The following EYS variants were observed in gnomAD, a reference collection of about 807,000 sequenced individuals.
The protein encoded by EYS is EGF-like photoreceptor maintenance factor.
A neutral mutation model predicts 282.1 loss-of-function variants in EYS; 250 were observed. That is an observed-to-expected ratio of 0.89 (90% CI 0.80 to 0.98). The LOEUF (loss-of-function observed/expected upper bound fraction) is 0.98, where lower values mean the gene tolerates loss of function less well. EYS is among the 50% of genes least tolerant of loss of function. EYS has a pLI of 0.00. For missense variants in EYS, 4,016 were observed against 3,709.0 expected, an observed-to-expected ratio of 1.08 and a Z score of -2.15; for synonymous variants, 1,355 against 1,282.9, an observed-to-expected ratio of 1.06 and a Z score of -1.20.
chr6:64,282,814 C>T (rs1192153872), intron 30 of EYS, among the ~76,000 whole-genome samples: 1 of 152,180 alleles, frequency 6.6e-6, no homozygotes, highest in Non-Finnish European at 1.5e-5. Context: ...AAGTCTATTG[C>T]TTCTGCATTC....
chr6:64,546,963 T>A (rs1306799309), intron 26 of EYS, among the ~76,000 whole-genome samples: 3 of 152,174 alleles, frequency 2.0e-5, no homozygotes, highest in African/African-American at 7.2e-5. Flanking sequence ...CTCACTGACT[T>A]CAAGAATGAA....
At position 65,139,329 on chromosome 6, in the gene EYS, G is replaced by A. The variant is rs185734410; in HGVS notation, c.2024-81602C>T. Among the ~76,000 whole-genome samples the A allele has an allele frequency of 2.1e-4, 32 of 152,074 alleles. 1 individual carries two copies. The East Asian group carries it at 5.2e-3, about 25-fold the overall frequency. ...CCGTTATCCTAAGCAAACTAATACA[G>A]GAACAGAAAACCAAATACCATCTGT... On this transcript the variant is annotated intron_variant, in intron 12 of 42. Transcript: ENST00000503581.
intron 29 of EYS, among the ~76,000 whole-genome samples, chr6:64,356,853 T>C (rs1028322188): frequency 2.6e-5 from 4 of 151,644 alleles, no homozygotes; most frequent in Non-Finnish European, 4.4e-5. Flanking sequence ...TAACTACGGG[T>C]GCTATTGCCC....
At chr6:65,145,157 A>T (rs934612699) in intron 12 of EYS, among the ~76,000 whole-genome samples, 1 of 152,050 alleles carries the variant, frequency 6.6e-6, no homozygotes, top group Non-Finnish European at 1.5e-5. Flanking sequence ...CAAAAATAAT[A>T]TCCCATTGGA....
At chr6:63,835,301 A>G (rs948499165) in intron 36 of EYS, among the ~76,000 whole-genome samples, 2 of 151,278 alleles carry the variant, frequency 1.3e-5, no homozygotes, top group Non-Finnish European at 2.9e-5. Flanking sequence ...CTATATACAT[A>G]CATATATACT....
chr6:64,688,139 C>T (rs567224351), intron 22 of EYS, among the ~76,000 whole-genome samples: 7 of 151,678 alleles, frequency 4.6e-5, no homozygotes, highest in South Asian at 2.1e-4. Context: ...GTCTTGCTAG[C>T]GGTCAATCAA....
intron 22 of EYS, among the ~76,000 whole-genome samples, chr6:64,741,394 A>G (rs1381275390): frequency 6.6e-6 from 1 of 152,136 alleles, no homozygotes. Flanking sequence ...AGCACAAGCA[A>G]AGTAGATTTA....
chr6:65,614,526 G>T (rs767913631), intron 2 of EYS, among the ~76,000 whole-genome samples: 7 of 152,006 alleles, frequency 4.6e-5, no homozygotes, highest in Non-Finnish European at 7.4e-5. Context: ...TGACTCAGAA[G>T]AAAGTACAAT....
intron 2 of EYS, among the ~76,000 whole-genome samples, chr6:65,581,462 C>A (rs1238184754): frequency 6.6e-6 from 1 of 151,940 alleles, no homozygotes; most frequent in Non-Finnish European, 1.5e-5. Flanking sequence ...TCTTAGTAGG[C>A]CTCAGGAATG....
At chr6:65,629,672 ACTCCTCGAGAAGACGGCCTTCAGGTTTC>A (rs1299191759) in intron 2 of EYS, among the ~76,000 whole-genome samples, 19 of 151,206 alleles carry the variant, frequency 1.3e-4, no homozygotes, top group Non-Finnish European at 2.2e-4. Flanking sequence ...CTACCCTCAA[ACTCCTCGAGAAGACGGCCTTCAGGTTTC>A]CTCCTGTCTC....
intron 14 of EYS, among the ~76,000 whole-genome samples, chr6:64,966,132 A>G (rs1360843420): frequency 6.6e-6 from 1 of 152,168 alleles, no homozygotes; most frequent in Non-Finnish European, 1.5e-5. Context: ...TTGATTTCTT[A>G]TGAGTGAATT....
In EYS at chr6:64,673,910, A is replaced by T. The variant is rs557395506; in HGVS notation, c.3444-47665T>A. 6.6e-5 allele frequency among the ~76,000 whole-genome samples: 10 copies of T among 152,234 alleles called. No homozygotes were observed. In the South Asian group the frequency reaches 8.3e-4, roughly 13 times the overall value. On this transcript the variant is annotated intron_variant, in intron 22 of 42. Coordinates refer to ENST00000503581, the MANE Select transcript of EYS (RefSeq NM_001142800.2). Reference sequence around the variant, plus strand: ...AATTTATGTTTTAAATAAAATCAGCATGTAAATTAAATAATGAATGCAATA... The same window carrying T: ...AATTTATGTTTTAAATAAAATCAGCTTGTAAATTAAATAATGAATGCAATA...
At chr6:64,511,280 G>GATATATATATCATATGTATCATATATATT in intron 26 of EYS, among the ~76,000 whole-genome samples, 1 of 147,432 alleles carries the variant, frequency 6.8e-6, no homozygotes, top group African/African-American at 2.5e-5. Flanking sequence ...TCATATATAT[G>GATATATATATCATATGTATCATATATATT]ATATATATGT....
intron 26 of EYS, among the ~76,000 whole-genome samples, chr6:64,582,836 A>C (rs577619602): frequency 6.6e-6 from 1 of 152,118 alleles, no homozygotes; most frequent in Non-Finnish European, 1.5e-5. Context: ...ACAACACAAA[A>C]GCACGGGGCT....
At chr6:65,123,311 ATGTTT>A (rs1775619532) in intron 12 of EYS, among the ~76,000 whole-genome samples, 1 of 152,180 alleles carries the variant, frequency 6.6e-6, no homozygotes, top group Non-Finnish European at 1.5e-5. Context: ...TAATACAGTT[ATGTTT>A]TATTTTGTGT....
At chr6:63,758,546 T>C (rs1472066239) in intron 41 of EYS, among the ~76,000 whole-genome samples, 2 of 152,104 alleles carry the variant, frequency 1.3e-5, no homozygotes, top group Admixed American at 6.6e-5. Flanking sequence ...TTCCTTATCA[T>C]ACTCTTTTTG....
chr6:65,702,859 C>T (rs1561912881), intron 1 of EYS, among the ~76,000 whole-genome samples: 1 of 151,962 alleles, frequency 6.6e-6, no homozygotes, highest in Non-Finnish European at 1.5e-5. Flanking sequence ...GCCATGGTGC[C>T]ATAGTATCCA....
intron 32 of EYS, among the ~76,000 whole-genome samples, chr6:64,072,868 T>C (rs1414608843): frequency 1.3e-5 from 2 of 151,948 alleles, no homozygotes; most frequent in Non-Finnish European, 2.9e-5. Flanking sequence ...ACAGAACAGC[T>C]GAGCATTTAG....
At chr6:63,849,016 A>G (rs1562058565) in intron 36 of EYS, among the ~76,000 whole-genome samples, 2 of 152,214 alleles carry the variant, frequency 1.3e-5, no homozygotes, top group Non-Finnish European at 2.9e-5. Flanking sequence ...GTTGTTCACC[A>G]TTACTGAAGC....
Sources: allele counts gnomAD v4.1 joint callset (sites outside exome capture counted in the v4.1 genomes callset), GRCh38; gene constraint gnomAD v4.1.1; transcripts MANE v1.5; gene names NCBI Gene and HGNC (gene_info 2026-07-23, HGNC 2026-07-21).